The following HYDIN variants were observed in gnomAD, a reference collection of about 807,000 sequenced individuals.
HYDIN encodes the protein HYDIN axonemal central pair apparatus protein.
Under a neutral mutation model 403.9 loss-of-function variants are expected in HYDIN, and 132 were observed. The ratio of observed to expected loss-of-function variants is 0.33; its 90% CI spans 0.28 to 0.38. The LOEUF is 0.38. Among genes scored for constraint, HYDIN ranks in the 10% least tolerant of loss-of-function variants. The pLI, the probability that HYDIN is intolerant of heterozygous loss-of-function variation, is 1.00. For missense variants in HYDIN, 2,827 were observed against 5,009.5 expected (o/e 0.56, Z 13.15); for synonymous variants, 1,202 against 1,891.7 (o/e 0.64, Z 9.46).
chr16:71,084,671 G>A (rs2082882393), intron 12 of HYDIN, among the ~76,000 whole-genome samples: 1 of 147,484 alleles, frequency 6.8e-6, no homozygotes, highest in African/African-American at 2.5e-5. Context: ...TTACAGGCAT[G>A]AGCCACCACA....
At position 70,832,953 on chromosome 16, in the gene HYDIN, C is replaced by T. The variant is rs757558911; in HGVS notation, c.13794G>A (p.Val4598=). 7.1e-5 allele frequency: 115 copies of T among 1,614,180 alleles called. No homozygotes were observed. The highest frequency in any genetic ancestry group is 5.0e-4 in the Middle Eastern group (3 of 6,058). Reference sequence around the variant, plus strand: ...TGTTTTTACAAAGGCTCTCCTTTCCCACCTCGGTGGGATGGTAGGTCACTT... The same window carrying T: ...TGTTTTTACAAAGGCTCTCCTTTCCTACCTCGGTGGGATGGTAGGTCACTT... ...SFEVTYHPTE[V]GKESLCKNIL... Residue 4598 remains valine (V), a synonymous_variant, in exon 80 of 86, where the codon GTG becomes GTA. Coordinates refer to ENST00000393567, the MANE Select transcript of HYDIN (RefSeq NM_001270974.2).
chr16:70,955,088 T>G (rs1485728119), intron 40 of HYDIN, among the ~76,000 whole-genome samples: 1 of 152,250 alleles, frequency 6.6e-6, no homozygotes, highest in Non-Finnish European at 1.5e-5. Context: ...AGTGACCGCA[T>G]GTCTGCTTCC....
chr16:71,068,677 G>T (rs544029857), intron 14 of HYDIN, among the ~76,000 whole-genome samples: 3 of 152,240 alleles, frequency 2.0e-5, no homozygotes, highest in African/African-American at 7.2e-5. Flanking sequence ...ACTGTGAGGC[G>T]ATAACCAAGG....
At chr16:70,865,907 G>A (rs2039719605) in intron 67 of HYDIN, among the ~76,000 whole-genome samples, 1 of 152,260 alleles carries the variant, frequency 6.6e-6, no homozygotes, top group South Asian at 2.1e-4. Context: ...TGCAAGGACT[G>A]CTCCCACTAA....
intron 41 of HYDIN, among the ~76,000 whole-genome samples, chr16:70,947,648 C>G (rs1235176731): frequency 6.6e-6 from 1 of 152,012 alleles, no homozygotes; most frequent in Non-Finnish European, 1.5e-5. Context: ...TGGTAGCATT[C>G]TTATACACCA....
intron 8 of HYDIN, 74 bp from the exon 9 acceptor site, chr16:71,129,897 A>G: frequency 6.5e-7 from 1 of 1,539,400 alleles, no homozygotes. Flanking sequence ...TCCCTCTAGT[A>G]CCTCCTCCTG....
chr16:71,139,095 GAAAAA>G (rs71758936), intron 7 of HYDIN, among the ~76,000 whole-genome samples: 2 of 103,814 alleles, frequency 1.9e-5, no homozygotes, highest in Admixed American at 1.0e-4. Flanking sequence ...AAATAAAGAA[GAAAAA>G]AAAAAAAAAA....
At position 70,923,392 on chromosome 16, in the gene HYDIN, C is replaced by T. The variant is rs1388742447; in HGVS notation, c.7159-2175G>A. Among the ~76,000 whole-genome samples, 6 of 138,730 alleles carry T rather than the reference C, an allele frequency of 4.3e-5. No homozygotes were observed. The South Asian group carries it at 7.5e-4, about 17-fold the overall frequency. 91.0% of individuals were successfully genotyped at this position (138,730 alleles called of 152,430 possible). On this transcript the variant is annotated intron_variant, in intron 45 of 85. Coordinates refer to ENST00000393567, the MANE Select transcript of HYDIN (RefSeq NM_001270974.2). ...GTGAGGCAGGAGAATTGCTTGAACC[C>T]GGGAGGTGGAGGTTGCAGTAAGCTG...
At chr16:71,121,877 C>T (rs1002346) in intron 9 of HYDIN, among the ~76,000 whole-genome samples, 2 of 152,336 alleles carry the variant, frequency 1.3e-5, no homozygotes, top group Admixed American at 6.5e-5. Flanking sequence ...AAAAAACTGA[C>T]GCCAAACCAT....
At chr16:70,956,863 C>T (rs1217951587) in intron 39 of HYDIN, among the ~76,000 whole-genome samples, 3 of 151,466 alleles carry the variant, frequency 2.0e-5, no homozygotes, top group Admixed American at 1.3e-4. Flanking sequence ...CAACGGGGCA[C>T]TAATACTAAC....
At chr16:70,934,396 C>G (rs1215461647) in intron 45 of HYDIN, among the ~76,000 whole-genome samples, 2 of 151,842 alleles carry the variant, frequency 1.3e-5, no homozygotes, top group African/African-American at 2.4e-5. Flanking sequence ...GTGAGAAGAG[C>G]TGAAGCCAGA....
intron 1 of HYDIN, among the ~76,000 whole-genome samples, chr16:71,218,440 T>A: frequency 6.6e-6 from 1 of 152,220 alleles, no homozygotes; most frequent in East Asian, 1.9e-4. Context: ...GGTTACGTGA[T>A]TCTATTCAGT....
rs1275784713 is a variant in HYDIN at position 70,803,966 on chromosome 16, C to T, written c.*3614G>A. Among the ~76,000 whole-genome samples, 1 of 152,214 alleles carries T rather than the reference C, an allele frequency of 6.6e-6. No individual in the cohort carries two copies. On this transcript the variant is annotated 3_prime_UTR_variant, in exon 86 of 86. Coordinates refer to ENST00000393567, the MANE Select transcript of HYDIN (RefSeq NM_001270974.2). ...CTGAACATCCCCCAGTTAGAAGTCT[C>T]CTGGTCTGCTTTGCTGAGAATGGAT...
rs748762363 is a variant in HYDIN at position 70,920,690 on chromosome 16, C to T, written c.7686G>A (p.Lys2562=). ...TGTCTAGGAAGGGTACGCCCAGGTC[C>T]TTCTCCTTCTTCCCTTCGTGGTCCT... ...GEEDHEGKKE[K]DLGVPFLDIQ... The change falls in exon 46 of 86, where the codon AAG becomes AAA. Residue 2562 remains lysine (K), a synonymous_variant. Coordinates refer to ENST00000393567, the MANE Select transcript of HYDIN (RefSeq NM_001270974.2). 100 of 1,610,486 alleles carry T rather than the reference C, an allele frequency of 6.2e-5. No homozygotes were observed. The highest frequency in any genetic ancestry group is 7.5e-5 in the Non-Finnish European group (88 of 1,178,444).
chr16:71,218,475 A>G (rs1487414436), intron 1 of HYDIN, among the ~76,000 whole-genome samples: 1 of 152,222 alleles, frequency 6.6e-6, no homozygotes, highest in Admixed American at 6.5e-5. Flanking sequence ...GGGAGGAGGA[A>G]AAGCTATTTG....
intron 4 of HYDIN, among the ~76,000 whole-genome samples, chr16:71,178,148 G>C (rs147238015): frequency 0.04 from 6,022 of 152,162 alleles, 440 homozygotes; most frequent in African/African-American, 0.14. Context: ...GGCCAGGCAC[G>C]GTGGCTCACG....
chr16:71,082,018 G>C (rs1162845042), intron 12 of HYDIN, among the ~76,000 whole-genome samples: 1 of 145,316 alleles, frequency 6.9e-6, no homozygotes. Flanking sequence ...AAGAGTGAAA[G>C]TATAATATTT....
At chr16:71,073,696 G>A (rs1192654204) in intron 13 of HYDIN, among the ~76,000 whole-genome samples, 1 of 152,044 alleles carries the variant, frequency 6.6e-6, no homozygotes, top group South Asian at 2.1e-4. Flanking sequence ...GAAAAATAGT[G>A]GGTTTGCAGA....
intron 1 of HYDIN, among the ~76,000 whole-genome samples, chr16:71,197,590 T>C (rs1293381897): frequency 6.6e-6 from 1 of 152,308 alleles, no homozygotes; most frequent in Non-Finnish European, 1.5e-5. Flanking sequence ...TAAAGAATTA[T>C]TACAAAGTGA....
Sources: allele counts gnomAD v4.1 joint callset (sites outside exome capture counted in the v4.1 genomes callset), GRCh38; gene constraint gnomAD v4.1.1; transcripts MANE v1.5; gene names NCBI Gene and HGNC (gene_info 2026-07-23, HGNC 2026-07-21).